Variants in GYPE observed in about 807,000 individuals in gnomAD.
The protein encoded by GYPE is glycophorin E (MNS blood group).
In GYPE, 8 loss-of-function variants were observed where a neutral mutation model predicts 11.6. That is an observed-to-expected ratio of 0.69 (90% CI 0.41 to 1.25). The LOEUF is 1.25. Among genes scored for constraint, GYPE ranks in the 50% most tolerant of loss-of-function variants. The probability of loss-of-function intolerance (pLI) is 0.01; values close to 1 mark genes in which losing one functional copy is unlikely to be tolerated. For synonymous variants in GYPE, 28 were observed against 29.6 expected, an observed-to-expected ratio of 0.94 and a Z score of 0.18; for missense variants, 90 against 92.8, an observed-to-expected ratio of 0.97 and a Z score of 0.12.
chr4:143,891,001 G>T (rs1021757091), intron 1 of GYPE, among the ~76,000 whole-genome samples: 11 of 152,010 alleles, frequency 7.2e-5, no homozygotes, highest in African/African-American at 2.2e-4. Flanking sequence ...AGCTCCACAG[G>T]AATTTAGATT....
Position 143,871,059 on chromosome 4 carries a change from C to A in GYPE, c.*1203G>T, listed in dbSNP as rs1054667089. On this transcript the variant is annotated 3_prime_UTR_variant, in exon 4 of 4. Coordinates refer to ENST00000358615, the MANE Select transcript of GYPE (RefSeq NM_198682.3). ...ATCAGATTATGTGAGAATTTACTCA[C>A]TATCATGAGAATAGCACAGGGGAAA... is the stretch of plus-strand genomic sequence containing the variant. The A allele has an allele frequency of 1.3e-5, 2 of 148,626 alleles. No individual in the cohort carries two copies. The highest frequency in any genetic ancestry group is 2.9e-5 in the Non-Finnish European group (2 of 67,986). 9.2% of individuals were successfully genotyped at this position (148,626 alleles called of 1,614,324 possible).
intron 3 of GYPE, among the ~76,000 whole-genome samples, chr4:143,873,701 A>G (rs972387425): frequency 3.3e-5 from 5 of 152,154 alleles, no homozygotes; most frequent in Non-Finnish European, 5.9e-5. Context: ...AAAATTTGGA[A>G]AGAAGGCAGT....
chr4:143,871,703 CTG>C lies in GYPE; in HGVS notation c.*557_*558del, dbSNP rs1265102404. 1 of 152,146 alleles carries C rather than the reference CTG, an allele frequency of 6.6e-6. No homozygotes were observed. The highest frequency in any genetic ancestry group is 2.4e-5 in the African/African-American group (1 of 41,424). 9.4% of individuals were successfully genotyped at this position (152,146 alleles called of 1,614,324 possible). On this transcript the variant is annotated 3_prime_UTR_variant, in exon 4 of 4. Coordinates refer to ENST00000358615, the MANE Select transcript of GYPE (RefSeq NM_198682.3). Reference sequence around the variant, plus strand: ...AATCTAGGAGAAAAGCTTACAAAGACTGTAAATGCCTTCAAGAAGGTGAGAGA... The same window carrying C: ...AATCTAGGAGAAAAGCTTACAAAGACTAAATGCCTTCAAGAAGGTGAGAGA...
rs61249221 is a variant in GYPE, at chr4:143,883,551, AATTT to A, written c.38-3046_38-3043del. Among the ~76,000 whole-genome samples the A allele has an allele frequency of 3.0e-3, 46 of 15,180 alleles. 1 individual carries two copies. The highest frequency in any genetic ancestry group is 3.5e-3 in the Non-Finnish European group (25 of 7,108). 10.0% of individuals were successfully genotyped at this position (15,180 alleles called of 152,430 possible). ...AATAACATGTAATTAATTATAAATTAATTTATAATTATTAATAACATGTAATTAA... is the reference window on the plus strand; with the variant it reads ...AATAACATGTAATTAATTATAAATTAATAATTATTAATAACATGTAATTAA... On this transcript the variant is annotated intron_variant, in intron 1 of 3. Transcript: ENST00000358615.
In GYPE at chr4:143,880,445, T is replaced by A; in HGVS notation, c.102A>T (p.Ser34=). 1.2e-6 allele frequency: 2 copies of A among 1,613,726 alleles called. No homozygotes were observed. Among genetic ancestry groups the A allele is most frequent in the Non-Finnish European group, 8.5e-7 (1 of 1,179,734 alleles). The change falls in exon 2 of 4, where the codon TCA becomes TCT. Residue 34 remains serine (S), a synonymous_variant. Transcript: ENST00000358615. ...GVAMHTSTSS[S]VTKSYISSQT... ...GTGATGAGATGTAACTCTTTGTGACTGAAGAAGAGGTTGAAGTGTGCATTG... is the reference window on the plus strand; with the variant it reads ...GTGATGAGATGTAACTCTTTGTGACAGAAGAAGAGGTTGAAGTGTGCATTG...
At chr4:143,875,551 G>T (rs1181323814) in intron 3 of GYPE, 1 of 1,550,614 alleles carries the variant, frequency 6.4e-7, no homozygotes, top group Admixed American at 2.0e-5. Flanking sequence ...GCCTCTGCTT[G>T]ACCATGAGCT....
At chr4:143,901,518 T>G (rs1004711605) in intron 1 of GYPE, among the ~76,000 whole-genome samples, 3 of 151,984 alleles carry the variant, frequency 2.0e-5, no homozygotes, top group African/African-American at 7.3e-5. Flanking sequence ...AGTTCATTTA[T>G]CACAGAAAAC....
intron 1 of GYPE, among the ~76,000 whole-genome samples, chr4:143,894,215 AC>A (rs1328158185): frequency 2.0e-5 from 3 of 150,380 alleles, no homozygotes; most frequent in Non-Finnish European, 4.5e-5. Context: ...ATTCGTCTAA[AC>A]TTTTTTCAAA....
intron 2 of GYPE, 60 bp downstream of exon 2, chr4:143,880,351 A>C (rs913014566): frequency 9.1e-6 from 13 of 1,429,774 alleles, no homozygotes; most frequent in Admixed American, 8.3e-5. Flanking sequence ...CCCCTAAAAT[A>C]GGGTTGCATC....
At chr4:143,902,392 T>C (rs563448065) in intron 1 of GYPE, among the ~76,000 whole-genome samples, 13 of 151,940 alleles carry the variant, frequency 8.6e-5, no homozygotes, top group Non-Finnish European at 1.8e-4. Context: ...ACATGTGCTT[T>C]TCAGACTGAT....
intron 1 of GYPE, among the ~76,000 whole-genome samples, chr4:143,890,262 C>G (rs1341667241): frequency 1.3e-5 from 2 of 152,090 alleles, no homozygotes; most frequent in Non-Finnish European, 2.9e-5. Context: ...TTTTTCCAGC[C>G]AAGCATATTC....
chr4:143,889,644 G>T (rs530209110), intron 1 of GYPE, among the ~76,000 whole-genome samples: 1 of 152,256 alleles, frequency 6.6e-6, no homozygotes, highest in African/African-American at 2.4e-5. Flanking sequence ...TGGGACTATA[G>T]GTGCGCACCG....
intron 1 of GYPE, among the ~76,000 whole-genome samples, chr4:143,903,905 A>C (rs1233914293): frequency 6.6e-6 from 1 of 152,172 alleles, no homozygotes; most frequent in Non-Finnish European, 1.5e-5. Context: ...CCCCCAGTAG[A>C]GTATGCAGTG....
chr4:143,884,988 AG>A (rs1744179718), intron 1 of GYPE, among the ~76,000 whole-genome samples: 1 of 150,642 alleles, frequency 6.6e-6, no homozygotes. Flanking sequence ...AGGATAACTT[AG>A]GGGAAAAAAA....
chr4:143,874,286 T>TC (rs1259570727), intron 3 of GYPE, among the ~76,000 whole-genome samples: 2 of 151,748 alleles, frequency 1.3e-5, no homozygotes, highest in Non-Finnish European at 2.9e-5. Context: ...TCCTGGCATC[T>TC]CCCCCATCCC....
chr4:143,881,062 T>A, intron 1 of GYPE, among the ~76,000 whole-genome samples: 1 of 152,034 alleles, frequency 6.6e-6, no homozygotes, highest in Admixed American at 6.6e-5. Flanking sequence ...CAATCTTACT[T>A]CTTCAATAAA....
intron 2 of GYPE, among the ~76,000 whole-genome samples, chr4:143,878,374 G>T (rs1248636358): frequency 1.3e-5 from 2 of 152,154 alleles, no homozygotes; most frequent in Non-Finnish European, 2.9e-5. Context: ...GGGCTCAAGC[G>T]ATTAGCCAGG....
intron 1 of GYPE, among the ~76,000 whole-genome samples, chr4:143,904,286 T>C (rs934011150): frequency 1.3e-5 from 2 of 152,142 alleles, no homozygotes; most frequent in African/African-American, 4.8e-5. Flanking sequence ...AGAAAATGCA[T>C]AGTAAGCTTA....
chr4:143,902,050 A>G lies in GYPE; in HGVS notation c.37+3421T>C, dbSNP rs186561094. On this transcript the variant is annotated intron_variant, in intron 1 of 3. Transcript: ENST00000358615. ...TGAAAAATGATTGTAGATACCATCT[A>G]CTCGGCGCTTTATTGAAAAGGCACA... Among the ~76,000 whole-genome samples the G allele has an allele frequency of 4.6e-3, 697 of 152,112 alleles. 5 individuals are homozygous for G. Among genetic ancestry groups the G allele is most frequent in the Non-Finnish European group, 5.0e-3 (343 of 67,992 alleles).
Sources: gnomAD v4.1 joint callset for allele counts (sites outside exome capture counted in the v4.1 genomes callset) on GRCh38, gnomAD v4.1.1 for gene constraint, MANE v1.5 for transcripts, NCBI Gene and HGNC (gene_info 2026-07-23, HGNC 2026-07-21) for gene names.